Variants in IWS1 observed in about 807,000 individuals in gnomAD.
IWS1 encodes the protein interacts with SUPT6H, CTD assembly factor 1, also known as protein IWS1 homolog.
Under a neutral mutation model 86.7 loss-of-function variants are expected in IWS1, and 27 were observed. That is an observed-to-expected ratio of 0.31 (90% confidence interval 0.23 to 0.43). The LOEUF (loss-of-function observed/expected upper bound fraction) is 0.43, where lower values mean the gene tolerates loss of function less well. Ranked by LOEUF, IWS1 falls within the 20% of genes least tolerant of loss-of-function variation. The pLI, the probability that IWS1 is intolerant of heterozygous loss-of-function variation, is 1.00. For synonymous variants in IWS1, 313 were observed against 335.1 expected (o/e 0.93, Z 0.72); for missense variants, 827 against 1,000.8 (o/e 0.83, Z 2.34).
At chr2:127,502,747 G>T in intron 5 of IWS1, 68 bp downstream of exon 5, 3 of 758,564 alleles carry the variant, frequency 4.0e-6, no homozygotes, top group Non-Finnish European at 7.0e-6. Context: ...ATCTATAATG[G>T]TATCACTGCC....
chr2:127,504,758 T>C lies in IWS1; in HGVS notation c.1145A>G (p.Lys382Arg), dbSNP rs1219330780. 12 of 1,614,118 alleles carry C rather than the reference T, an allele frequency of 7.4e-6. No homozygotes were observed. Among genetic ancestry groups the C allele is most frequent in the Non-Finnish European group, 9.3e-6 (11 of 1,180,016 alleles). Residue 382 changes from lysine (K) to arginine (R), a missense_variant, in exon 3 of 14, where the codon AAA (lysine) becomes AGA (arginine). Coordinates refer to ENST00000295321, the MANE Select transcript of IWS1 (RefSeq NM_017969.3). The part of the protein sequence containing the change: ...KQKMDSDEDE[K>R]EGEEEKVAKR... ...CGCTACTTTCTCCTCCTCACCCTCTTTTTCATCTTCATCACTGTCCATTTT... is the reference window on the plus strand; with the variant it reads ...CGCTACTTTCTCCTCCTCACCCTCTCTTTCATCTTCATCACTGTCCATTTT...
intron 7 of IWS1, 41 bp from the exon 8 acceptor site, chr2:127,494,995 C>T (rs748464391): frequency 3.2e-6 from 4 of 1,233,710 alleles, no homozygotes; most frequent in Non-Finnish European, 3.5e-6. Flanking sequence ...TAAAACAGTA[C>T]TTTTTATTAA....
At chr2:127,500,698 T>G (rs1047804171) in intron 5 of IWS1, among the ~76,000 whole-genome samples, 17 of 152,230 alleles carry the variant, frequency 1.1e-4, no homozygotes, top group African/African-American at 4.1e-4. Flanking sequence ...GAATATTTAC[T>G]ATTTACATTT....
intron 2 of IWS1, among the ~76,000 whole-genome samples, chr2:127,510,667 T>G (rs970199955): frequency 2.0e-5 from 3 of 152,092 alleles, no homozygotes; most frequent in Non-Finnish European, 4.4e-5. Flanking sequence ...TAATTTTTTT[T>G]TTTTTTGTAG....
rs957130343 is a variant in IWS1 at position 127,502,082 on chromosome 2, G to T, written c.1467+733C>A. Among the ~76,000 whole-genome samples, 10 of 152,096 alleles carry T rather than the reference G, an allele frequency of 6.6e-5. No individual in the cohort carries two copies. The East Asian group carries it at 1.9e-3, about 29-fold the overall frequency. The stretch of plus-strand genomic sequence containing the variant: ...TTAATGTTATTTTTGTGTATAATAA[G>T]TACATATGAAAAACTTAAACCACTG... On this transcript the variant is annotated intron_variant, in intron 5 of 13. Transcript: ENST00000295321.
chr2:127,483,063 G>C (rs1191434646), intron 13 of IWS1: 2 of 150,822 alleles, frequency 1.3e-5, no homozygotes, highest in Non-Finnish European at 3.0e-5. Context: ...CAAAAACCCA[G>C]TAATTGTCTA....
intron 2 of IWS1, among the ~76,000 whole-genome samples, chr2:127,522,424 A>C (rs1392349965): frequency 6.6e-6 from 1 of 152,254 alleles, no homozygotes; most frequent in Non-Finnish European, 1.5e-5. Flanking sequence ...ACAATTAAAA[A>C]AAAATGTTTA....
At position 127,498,134 on chromosome 2, in the gene IWS1, A is replaced by G; in HGVS notation, c.1565+6T>C. On this transcript the variant is annotated splice_donor_region_variant and intron_variant, in intron 6 of 13. Coordinates refer to ENST00000295321, the MANE Select transcript of IWS1 (RefSeq NM_017969.3). ...TCTTTAACAAATTCCTTAAAAACAAACTTACTGTTTTCCTCTCTTTATGTT... is the reference window on the plus strand; with the variant it reads ...TCTTTAACAAATTCCTTAAAAACAAGCTTACTGTTTTCCTCTCTTTATGTT... 1 of 1,564,666 alleles carries G rather than the reference A, an allele frequency of 6.4e-7. No homozygotes were observed.
At chr2:127,516,354 T>C (rs1691774156) in intron 2 of IWS1, among the ~76,000 whole-genome samples, 2 of 151,642 alleles carry the variant, frequency 1.3e-5, no homozygotes, top group South Asian at 2.1e-4. Flanking sequence ...GCCCCCGCAA[T>C]ACACACACAC....
intron 13 of IWS1, among the ~76,000 whole-genome samples, chr2:127,484,038 T>TC (rs1234764308): frequency 6.6e-6 from 1 of 152,192 alleles, no homozygotes; most frequent in East Asian, 1.9e-4. Context: ...GCATGGTGGC[T>TC]CACACCTGTA....
At chr2:127,490,197 A>C (rs369904182) in intron 10 of IWS1, among the ~76,000 whole-genome samples, 1 of 152,276 alleles carries the variant, frequency 6.6e-6, no homozygotes, top group Non-Finnish European at 1.5e-5. Flanking sequence ...GATACACTTT[A>C]ATAGTCAACA....
Position 127,493,348 on chromosome 2 carries a change from G to A in IWS1, c.1862C>T (p.Ser621Leu), listed in dbSNP as rs1690335794. ...AGGCAAACTCCTATCTGGTAGAGGT[G>A]AGAGCCATTCTTTGATGGCAGACAT... ...GVMSAIKEWLSPLPDRSLPAL... is the reference protein window; with the variant it reads ...GVMSAIKEWLLPLPDRSLPAL... The change falls in exon 9 of 14, where the codon TCA (serine) becomes TTA (leucine). Residue 621 changes from serine to leucine, a missense_variant. Ser to Leu is a moderately radical substitution (Grantham distance 145). Around this residue, in one of 2 missense-constraint regions of IWS1, gnomAD observed 279 missense variants for 440.6 expected, o/e 0.63. Transcript: ENST00000295321. 1 of 1,613,722 alleles carries A rather than the reference G, an allele frequency of 6.2e-7. No homozygotes were observed.
rs574627168 is a variant in IWS1, at chr2:127,496,300, C to T, written c.1566-152G>A. On this transcript the variant is annotated intron_variant, in intron 6 of 13. Coordinates refer to ENST00000295321, the MANE Select transcript of IWS1 (RefSeq NM_017969.3). ...GCAAATACAGTCATGCGCCGCATAACGATGTTTCGGTCAATGACGGACTGC... is the reference window on the plus strand; with the variant it reads ...GCAAATACAGTCATGCGCCGCATAATGATGTTTCGGTCAATGACGGACTGC... 1.9e-5 allele frequency: 16 copies of T among 862,418 alleles called. No homozygotes were observed. The South Asian group carries it at 2.1e-4, about 11-fold the overall frequency. 53.4% of individuals were successfully genotyped at this position (862,418 alleles called of 1,614,324 possible).
intron 1 of IWS1, among the ~76,000 whole-genome samples, chr2:127,525,140 G>T (rs896426079): frequency 1.3e-5 from 2 of 150,012 alleles, no homozygotes; most frequent in African/African-American, 4.9e-5. Context: ...CATGGGGGGT[G>T]GGGGTGGTGT....
intron 2 of IWS1, among the ~76,000 whole-genome samples, chr2:127,519,484 T>A (rs1691967268): frequency 6.6e-6 from 1 of 151,714 alleles, no homozygotes; most frequent in African/African-American, 2.4e-5. Flanking sequence ...TGTGTGTGTG[T>A]GTGTGTGCGT....
chr2:127,490,376 GGTCT>G (rs1340795006), intron 10 of IWS1, among the ~76,000 whole-genome samples: 2 of 152,082 alleles, frequency 1.3e-5, no homozygotes, highest in Non-Finnish European at 2.9e-5. Flanking sequence ...CTTACAAAAT[GGTCT>G]GTACCTTTAA....
chr2:127,489,698 T>G lies in IWS1; in HGVS notation c.2159+134A>C. Reference sequence around the variant, plus strand: ...TCACATTTAAACTAAAAGGATATTATGAATTATGTACACATATCAAGCTGA... The same window carrying G: ...TCACATTTAAACTAAAAGGATATTAGGAATTATGTACACATATCAAGCTGA... On this transcript the variant is annotated intron_variant, in intron 11 of 13. Transcript: ENST00000295321. This position sits in a 1 kb window ranked among gnomAD's most constrained non-coding sequence, Gnocchi z 4.8. The G allele has an allele frequency of 1.5e-6, 1 of 678,194 alleles. No homozygotes were observed. Among genetic ancestry groups the G allele is most frequent in the Non-Finnish European group, 2.7e-6 (1 of 375,348 alleles). The allele number at this position is 678,194 out of a possible 1,614,324, so 42.0% of individuals were successfully genotyped here. A position where few individuals can be genotyped will look rare whatever the true frequency, so the allele number is the denominator to read the frequency against.
intron 12 of IWS1, among the ~76,000 whole-genome samples, chr2:127,487,172 C>G (rs1689972795): frequency 6.6e-6 from 1 of 152,168 alleles, no homozygotes; most frequent in Non-Finnish European, 1.5e-5. Flanking sequence ...AAGATAATTA[C>G]AGATTCAAAT....
chr2:127,503,564 C>CCTG lies in IWS1; in HGVS notation c.1231_1232insCAG (p.Ser411delinsThrGly). 1 of 1,577,304 alleles carries CCTG rather than the reference C, an allele frequency of 6.3e-7. No individual in the cohort carries two copies. Among genetic ancestry groups the CCTG allele is most frequent in the South Asian group, 1.2e-5 (1 of 82,932 alleles). On this transcript the variant is annotated protein_altering_variant, in exon 4 of 14. Coordinates refer to ENST00000295321, the MANE Select transcript of IWS1 (RefSeq NM_017969.3). ...GTCATCTGCATCAGAGACAACACGA[C>CCTG]TCTTCTTTGCTGCTGTTGAAAAAGA... is the stretch of plus-strand genomic sequence containing the variant.
Sources: allele counts gnomAD v4.1 joint callset (sites outside exome capture counted in the v4.1 genomes callset), GRCh38; gene constraint gnomAD v4.1.1; regional missense constraint gnomAD v4.1.1; non-coding constraint Gnocchi (gnomAD v3.1); transcripts MANE v1.5; gene names NCBI Gene and HGNC (gene_info 2026-07-23, HGNC 2026-07-21).